NCOR2: variants seen among roughly 807,000 people sequenced by gnomAD.
NCOR2 encodes CTG repeat protein 26.
NCOR2 carries 81 observed loss-of-function variants against 262.9 expected under a neutral mutation model. The observed-to-expected ratio is 0.31, with a 90% CI of 0.26 to 0.37. The LOEUF (loss-of-function observed/expected upper bound fraction) is 0.37, where lower values mean the gene tolerates loss of function less well. NCOR2 is among the 10% of genes least tolerant of loss of function. NCOR2 has a pLI of 1.00. For synonymous variants in NCOR2, 1,659 were observed against 1,559.3 expected, an observed-to-expected ratio of 1.06 and a Z score of -1.51; for missense variants, 3,385 against 3,621.4, an observed-to-expected ratio of 0.93 and a Z score of 1.68.
chr12:124,512,120 CAGGCTGATCTTGAAATCCTGGGCTCA>C (rs1356101160), intron 1 of NCOR2, among the ~76,000 whole-genome samples: 1 of 152,144 alleles, frequency 6.6e-6, no homozygotes, highest in Non-Finnish European at 1.5e-5. Context: ...CCATGTTGCC[CAGGCTGATCTTGAAATCCTGGGCTCA>C]AGTGATGCGC....
Position 124,385,942 on chromosome 12 carries a change from GCCT to G in NCOR2, c.1877-58_1877-56del. The G allele has an allele frequency of 2.5e-6, 4 of 1,578,818 alleles. No individual in the cohort carries two copies. In the South Asian group the frequency reaches 4.6e-5, roughly 18 times the overall value. On this transcript the variant is annotated intron_variant, in intron 16 of 46. Transcript: ENST00000405201. Reference sequence around the variant, plus strand: ...AGGCCAGGCCCGGCACGCAGAGGGGGCCTGCATCCATGGCCTGGGCGGCAAACG... The same window carrying G: ...AGGCCAGGCCCGGCACGCAGAGGGGGGCATCCATGGCCTGGGCGGCAAACG...
At chr12:124,414,227 G>C (rs2042741954) in intron 13 of NCOR2, among the ~76,000 whole-genome samples, 1 of 152,226 alleles carries the variant, frequency 6.6e-6, no homozygotes, top group Admixed American at 6.5e-5. Flanking sequence ...AGAACCCTCA[G>C]TCTGCCACTC....
intron 8 of NCOR2, among the ~76,000 whole-genome samples, chr12:124,437,087 A>C (rs2044373204): frequency 6.8e-6 from 1 of 146,298 alleles, no homozygotes; most frequent in African/African-American, 2.7e-5. Flanking sequence ...CTCCATCTCA[A>C]AAATAAATAA....
intron 44 of NCOR2, chr12:124,329,099 C>T (rs1310448821): frequency 2.1e-6 from 1 of 470,328 alleles, no homozygotes; most frequent in Non-Finnish European, 4.4e-6. Context: ...AAGGTGAAGT[C>T]TGACACAGGT....
At chr12:124,351,189 A>G (rs2037425194) in intron 27 of NCOR2, among the ~76,000 whole-genome samples, 1 of 152,144 alleles carries the variant, frequency 6.6e-6, no homozygotes, top group African/African-American at 2.4e-5. Context: ...CTTGACATTC[A>G]GTTACCGAAA....
chr12:124,332,237 C>T (rs1483299237), intron 43 of NCOR2, 82 bp downstream of exon 45: 81 of 1,552,188 alleles, frequency 5.2e-5, no homozygotes, highest in Non-Finnish European at 6.9e-5. Context: ...GGGTTTCTGC[C>T]ACTGGGCGGC....
chr12:124,385,716 G>C (rs765990043), intron 17 of NCOR2, 29 bp downstream of exon 19: 1 of 1,609,762 alleles, frequency 6.2e-7, no homozygotes, highest in South Asian at 1.1e-5. Context: ...GCTTCCCAGA[G>C]GCGCGGTGCA....
rs990130564 is a variant in NCOR2, at chr12:124,389,572, C to G, written c.1877-3685G>C. ...CCATCATCCCCCGCCGCCCGTCCCC[C>G]CACCCTCCGTGTCAGTTCCACCTGA... On this transcript the variant is annotated intron_variant, in intron 16 of 46. Coordinates refer to ENST00000405201, the Ensembl canonical transcript of NCOR2. This position sits in a 1 kb window ranked among gnomAD's most constrained non-coding sequence, Gnocchi z 4.4. Among the ~76,000 whole-genome samples, 10 of 152,248 alleles carry G rather than the reference C, an allele frequency of 6.6e-5. No individual in the cohort carries two copies. Among genetic ancestry groups the G allele is most frequent in the African/African-American group, 2.4e-4 (10 of 41,466 alleles).
Position 124,440,522 on chromosome 12 carries a change from C to G in NCOR2, c.816-2526G>C, listed in dbSNP as rs910768516. ...GGTGTCTCTGAGCACACCTCAGAAG[C>G]CCTCAGTTTCCTCATCTGAAATCTA... On this transcript the variant is annotated intron_variant, in intron 7 of 46. Transcript: ENST00000405201. The surrounding 1 kb of genome is among the most constrained non-coding windows in gnomAD (Gnocchi z 5.7). Among the ~76,000 whole-genome samples, 5 of 152,222 alleles carry G rather than the reference C, an allele frequency of 3.3e-5. No homozygotes were observed. The highest frequency in any genetic ancestry group is 1.2e-4 in the African/African-American group (5 of 41,464).
chr12:124,476,232 C>T (rs939332964), intron 3 of NCOR2, among the ~76,000 whole-genome samples: 1 of 152,192 alleles, frequency 6.6e-6, no homozygotes, highest in African/African-American at 2.4e-5. Flanking sequence ...TGCCAACTGA[C>T]GTGAGACATC....
intron 1 of NCOR2, chr12:124,514,516 G>A (rs2049599072): frequency 6.6e-6 from 1 of 152,138 alleles, no homozygotes; most frequent in Non-Finnish European, 1.5e-5. Context: ...CCTATATCAG[G>A]GAGGCTGAAG....
At chr12:124,472,509 A>G (rs1221712777) in intron 4 of NCOR2, among the ~76,000 whole-genome samples, 1 of 152,130 alleles carries the variant, frequency 6.6e-6, no homozygotes, top group Admixed American at 6.5e-5. Flanking sequence ...ATTACAGATA[A>G]GGAAAGTGAA....
At chr12:124,380,526 T>A (rs1366340784) in intron 17 of NCOR2, among the ~76,000 whole-genome samples, 1 of 152,048 alleles carries the variant, frequency 6.6e-6, no homozygotes, top group Non-Finnish European at 1.5e-5. Flanking sequence ...ATCCTGAGCC[T>A]CTCCCAGGAG....
At chr12:124,352,263 A>C (rs2037547573) in intron 27 of NCOR2, among the ~76,000 whole-genome samples, 1 of 152,192 alleles carries the variant, frequency 6.6e-6, no homozygotes, top group Non-Finnish European at 1.5e-5. Flanking sequence ...ATCCAGCCCT[A>C]ACATCAGATG....
At chr12:124,492,233 G>C (rs934439815) in intron 1 of NCOR2, among the ~76,000 whole-genome samples, 4 of 152,198 alleles carry the variant, frequency 2.6e-5, no homozygotes, top group Non-Finnish European at 5.9e-5. Context: ...GGAAAGAGAT[G>C]ACTACCCCGC....
chr12:124,408,705 C>T (rs2042406473), intron 13 of NCOR2, among the ~76,000 whole-genome samples: 1 of 152,128 alleles, frequency 6.6e-6, no homozygotes, highest in Non-Finnish European at 1.5e-5. Flanking sequence ...GCTTCAACTG[C>T]ACCACTGCAC....
intron 31 of NCOR2, among the ~76,000 whole-genome samples, chr12:124,345,447 TG>T (rs1448870665): frequency 6.6e-6 from 1 of 151,948 alleles, no homozygotes; most frequent in Non-Finnish European, 1.5e-5. Context: ...ACAGAAAGGA[TG>T]GTGAGGAAAT....
At chr12:124,386,517 C>T (rs1030241853) in intron 16 of NCOR2, among the ~76,000 whole-genome samples, 4 of 152,136 alleles carry the variant, frequency 2.6e-5, no homozygotes, top group African/African-American at 7.2e-5. Context: ...ACTCAGGACT[C>T]GGGGCCCACC....
intron 46 of NCOR2, 58 bp downstream of exon 48, chr12:124,326,133 T>C: frequency 2.8e-6 from 4 of 1,416,970 alleles, no homozygotes; most frequent in Non-Finnish European, 3.7e-6. Context: ...CCCGGCAGCA[T>C]TCACAGCCCA....
Sources: gnomAD v4.1 joint callset for allele counts (sites outside exome capture counted in the v4.1 genomes callset) on GRCh38, gnomAD v4.1.1 for gene constraint, Gnocchi (gnomAD v3.1) non-coding constraint, MANE v1.5 for transcripts, NCBI Gene and HGNC (gene_info 2026-07-23, HGNC 2026-07-21) for gene names.